Variants in THRB observed in about 807,000 individuals in gnomAD.
THRB encodes the protein nuclear receptor subfamily 1 group A member 2.
In THRB, 12 loss-of-function variants were observed where a neutral mutation model predicts 47.8. The observed-to-expected ratio is 0.25, with a 90% CI of 0.16 to 0.41. The LOEUF is 0.41. Among genes scored for constraint, THRB ranks in the 10% least tolerant of loss-of-function variants. THRB has a pLI of 1.00. For synonymous variants in THRB, 218 were observed against 212.2 expected (o/e 1.03, Z -0.24); for missense variants, 348 against 589.2 (o/e 0.59, Z 4.24).
chr3:24,141,796 G>A (rs2035484573), intron 8 of THRB, among the ~76,000 whole-genome samples: 1 of 152,142 alleles, frequency 6.6e-6, no homozygotes, highest in Non-Finnish European at 1.5e-5. Flanking sequence ...GCTTGGTCAC[G>A]ACTTGAAATC....
At chr3:24,241,068 T>C (rs2049442216) in intron 3 of THRB, among the ~76,000 whole-genome samples, 1 of 152,118 alleles carries the variant, frequency 6.6e-6, no homozygotes, top group Non-Finnish European at 1.5e-5. Flanking sequence ...TGGGCACACC[T>C]GAATTTGGGA....
rs550430075 is a variant in THRB, at chr3:24,480,087, A to C, written c.-261+14565T>G. On this transcript the variant is annotated intron_variant, in intron 1 of 10. Coordinates refer to ENST00000646209, the MANE Select transcript of THRB (RefSeq NM_001354712.2). ...ATGCTTAACTGATTTGATAATGCCC[A>C]CTTTACTGGCTGCTGTCCCTTCCTG... Among the ~76,000 whole-genome samples the C allele has an allele frequency of 4.6e-5, 7 of 152,296 alleles. No homozygotes were observed. In the East Asian group the frequency reaches 1.3e-3, roughly 29 times the overall value.
chr3:24,462,476 A>G (rs538882362), intron 1 of THRB, among the ~76,000 whole-genome samples: 2 of 152,238 alleles, frequency 1.3e-5, no homozygotes, highest in African/African-American at 4.8e-5. Context: ...GGAGTAACGT[A>G]TTGCCGAGGT....
At chr3:24,255,158 C>T (rs1253324159) in intron 3 of THRB, among the ~76,000 whole-genome samples, 3 of 152,056 alleles carry the variant, frequency 2.0e-5, no homozygotes, top group Admixed American at 2.0e-4. Flanking sequence ...ACATTCATCC[C>T]ATCGGTCCAG....
chr3:24,197,502 A>T (rs1307725319), intron 4 of THRB, among the ~76,000 whole-genome samples: 1 of 152,212 alleles, frequency 6.6e-6, no homozygotes, highest in African/African-American at 2.4e-5. Context: ...TCCTTGTATC[A>T]TGTAAATGGT....
chr3:24,118,160 C>T lies in THRB; in HGVS notation c.*4724G>A, dbSNP rs2030988345. ...CAGCTGAAGTGAGAAGAGCAGGCAACTCTTTGCCTATGTAGAAAATAATAA... is the reference window on the plus strand; with the variant it reads ...CAGCTGAAGTGAGAAGAGCAGGCAATTCTTTGCCTATGTAGAAAATAATAA... On this transcript the variant is annotated 3_prime_UTR_variant, in exon 11 of 11. Transcript: ENST00000646209. The T allele has an allele frequency of 6.6e-6, 1 of 152,658 alleles. No individual in the cohort carries two copies. Among genetic ancestry groups the T allele is most frequent in the Admixed American group, 6.5e-5 (1 of 15,286 alleles). The allele number at this position is 152,658 out of a possible 1,614,324, so 9.5% of individuals were successfully genotyped here.
chr3:24,252,971 T>C (rs1013470866), intron 3 of THRB, among the ~76,000 whole-genome samples: 8 of 152,134 alleles, frequency 5.3e-5, no homozygotes, highest in African/African-American at 1.2e-4. Context: ...GACCTTTCCA[T>C]ACATTTTAGA....
At chr3:24,302,461 A>C (rs1419076032) in intron 2 of THRB, among the ~76,000 whole-genome samples, 3 of 152,170 alleles carry the variant, frequency 2.0e-5, no homozygotes, top group African/African-American at 7.2e-5. Context: ...CTCCATTTGT[A>C]ATTGATAATT....
At chr3:24,448,935 C>T (rs11712061) in intron 1 of THRB, among the ~76,000 whole-genome samples, 70,518 of 151,920 alleles carry the variant, frequency 0.46, 19,083 homozygotes, top group East Asian at 0.64. Flanking sequence ...CAGAAAGATG[C>T]GAATTTAGAG....
intron 1 of THRB, among the ~76,000 whole-genome samples, chr3:24,441,521 C>T (rs1577590733): frequency 6.6e-6 from 1 of 152,078 alleles, no homozygotes; most frequent in Non-Finnish European, 1.5e-5. Flanking sequence ...TGGGGAGGTA[C>T]AAGAAAATGT....
intron 1 of THRB, among the ~76,000 whole-genome samples, chr3:24,448,240 A>G (rs1393155932): frequency 1.3e-5 from 2 of 152,132 alleles, no homozygotes; most frequent in Admixed American, 6.5e-5. Flanking sequence ...GTATAACTTA[A>G]CTTTAAAAAA....
chr3:24,468,582 G>A (rs1269735192), intron 1 of THRB, among the ~76,000 whole-genome samples: 1 of 152,176 alleles, frequency 6.6e-6, no homozygotes, highest in African/African-American at 2.4e-5. Flanking sequence ...GGAGTAAGGA[G>A]GTTTGAGAAG....
At chr3:24,137,591 C>T (rs1007899352) in intron 8 of THRB, among the ~76,000 whole-genome samples, 1 of 151,936 alleles carries the variant, frequency 6.6e-6, no homozygotes, top group Non-Finnish European at 1.5e-5. Flanking sequence ...GTGCAAAGTC[C>T]CAAAGCCAGA....
chr3:24,210,360 C>T (rs1342920018), intron 4 of THRB, among the ~76,000 whole-genome samples: 1 of 151,428 alleles, frequency 6.6e-6, no homozygotes, highest in Non-Finnish European at 1.5e-5. Context: ...GGATCCCTGG[C>T]TGGGGAGATC....
chr3:24,305,141 T>C (rs2057245850), intron 2 of THRB, among the ~76,000 whole-genome samples: 1 of 152,242 alleles, frequency 6.6e-6, no homozygotes, highest in Non-Finnish European at 1.5e-5. Context: ...GTTTATTTTA[T>C]GAATTATATA....
chr3:24,257,801 C>G (rs1023704629), intron 3 of THRB, among the ~76,000 whole-genome samples: 6 of 152,218 alleles, frequency 3.9e-5, no homozygotes, highest in Non-Finnish European at 7.3e-5. Context: ...CTGTTAGACA[C>G]AAGTGGGACA....
intron 9 of THRB, among the ~76,000 whole-genome samples, chr3:24,132,761 A>G (rs826380): frequency 0.18 from 27,518 of 152,236 alleles, 3,281 homozygotes; most frequent in East Asian, 0.56. Context: ...TTGTGGGGAT[A>G]TTAAGAGCCT....
chr3:24,476,291 T>G (rs552147210), intron 1 of THRB, among the ~76,000 whole-genome samples: 49 of 152,310 alleles, frequency 3.2e-4, no homozygotes, highest in South Asian at 1.5e-3. Context: ...TGGTTTTCTT[T>G]CCCTCTACAG....
At chr3:24,273,132 A>T (rs2053528552) in intron 3 of THRB, among the ~76,000 whole-genome samples, 1 of 151,452 alleles carries the variant, frequency 6.6e-6, no homozygotes, top group African/African-American at 2.4e-5. Context: ...TGAATTAAAC[A>T]CACACACACA....
Sources: allele counts gnomAD v4.1 joint callset (sites outside exome capture counted in the v4.1 genomes callset), GRCh38; gene constraint gnomAD v4.1.1; transcripts MANE v1.5; gene names NCBI Gene and HGNC (gene_info 2026-07-23, HGNC 2026-07-21).